The following MXRA8 variants were observed in gnomAD, a reference collection of about 807,000 sequenced individuals.
The protein encoded by MXRA8 is matrix remodeling associated 8, also known as matrix remodeling-associated protein 8.
A neutral mutation model predicts 51.4 loss-of-function variants in MXRA8; 44 were observed. That is an observed-to-expected ratio of 0.86 (90% confidence interval 0.67 to 1.10). MXRA8 has a LOEUF of 1.10. Ranked by LOEUF, MXRA8 falls within the 50% of genes least tolerant of loss-of-function variation. The pLI is 0.00. For missense variants in MXRA8, 765 were observed against 638.9 expected (o/e 1.20, Z -2.13); for synonymous variants, 369 against 293.5 (o/e 1.26, Z -2.63).
chr1:1,359,327 C>T (rs903870031), upstream of MXRA8: 8 of 985,234 alleles, frequency 8.1e-6, no homozygotes, highest in South Asian at 9.4e-5. Flanking sequence ...AGAGTGGGAC[C>T]CCTGCCATGG....
chr1:1,354,842 C>G lies in MXRA8; in HGVS notation c.789G>C (p.Glu263Asp). 1 of 1,612,108 alleles carries G rather than the reference C, an allele frequency of 6.2e-7. No individual in the cohort carries two copies. Among genetic ancestry groups the G allele is most frequent in the African/African-American group, 1.3e-5 (1 of 75,038 alleles). ...GDFSLRIEPLEVADEGTYSCH... is the reference protein window; with the variant it reads ...GDFSLRIEPLDVADEGTYSCH... The stretch of plus-strand genomic sequence containing the variant: ...AGGAGTAGGTGCCCTCGTCGGCGAC[C>G]TCCAGCGGCTCGATACGCAGTGAGA... The change falls in exon 5 of 10, where the codon GAG becomes GAC. Residue 263 changes from glutamate to aspartate, a missense_variant. By Grantham distance (45) the Glu-to-Asp change is conservative (BLOSUM62 2). Transcript: ENST00000309212.
In MXRA8 at chr1:1,353,041, G is replaced by C. The variant is rs1002925042; in HGVS notation, c.*563C>G. ...ATTCAAGTCAGCAGGTCCCTGGGGA[G>C]AACAGATGGTGCCTGGAGTCCCACA... On this transcript the variant is annotated 3_prime_UTR_variant, in exon 10 of 10. Coordinates refer to ENST00000309212, the MANE Select transcript of MXRA8 (RefSeq NM_032348.4). 1.7e-6 allele frequency: 1 copy of C among 586,388 alleles called. No homozygotes were observed. The highest frequency in any genetic ancestry group is 2.1e-5 in the South Asian group (1 of 47,740). 36.3% of individuals were successfully genotyped at this position (586,388 alleles called of 1,614,324 possible).
At position 1,355,516 on chromosome 1, in the gene MXRA8, C is replaced by A; in HGVS notation, c.310G>T (p.Asp104Tyr). The part of the protein sequence containing the change: ...AGEQRVYEAR[D>Y]RGRLELSASA... Reference sequence around the variant, plus strand: ...GCCGAGAGCTCCAGGCGGCCGCGGTCCCGCGCCTCGTACACGCGCTGCTCG... The same window carrying A: ...GCCGAGAGCTCCAGGCGGCCGCGGTACCGCGCCTCGTACACGCGCTGCTCG... Residue 104 changes from aspartate (D) to tyrosine (Y), a missense_variant, in exon 3 of 10, where the codon GAC becomes TAC. Coordinates refer to ENST00000309212, the MANE Select transcript of MXRA8 (RefSeq NM_032348.4). 6.7e-7 allele frequency: 1 copy of A among 1,503,174 alleles called. No individual in the cohort carries two copies. The highest frequency in any genetic ancestry group is 2.7e-5 in the East Asian group (1 of 36,522). The allele number at this position is 1,503,174 out of a possible 1,614,324, so 93.1% of individuals were successfully genotyped here.
At chr1:1,358,339 C>A in intron 1 of MXRA8, 117 bp downstream of exon 1, 1 of 1,191,462 alleles carries the variant, frequency 8.4e-7, no homozygotes, top group Non-Finnish European at 1.2e-6. Flanking sequence ...CGTCCTCTTC[C>A]CTGGTGGGAC....
chr1:1,361,257 G>A (rs1052450459), upstream of MXRA8: 31 of 703,394 alleles, frequency 4.4e-5, no homozygotes, highest in Non-Finnish European at 6.2e-5. Context: ...GCCGCACAGC[G>A]GATCATCGAT....
upstream of MXRA8, chr1:1,361,209 C>T (rs1354427312): frequency 1.4e-6 from 1 of 703,228 alleles, no homozygotes; most frequent in Non-Finnish European, 2.6e-6. Flanking sequence ...CACACACAGA[C>T]ACACATGGAA....
Position 1,355,607 on chromosome 1 carries a change from G to C in MXRA8, c.219C>G (p.Leu73=), listed in dbSNP as rs1159397789. The part of the protein sequence containing the change: ...QDRLHDRQRV[L]HWDLRGPGGG... ...CCCCGGGGCCGCGCAGGTCCCAGTGGAGCACGCGCTGGCGGTCGTGCAGCC... is the reference window on the plus strand; with the variant it reads ...CCCCGGGGCCGCGCAGGTCCCAGTGCAGCACGCGCTGGCGGTCGTGCAGCC... The change falls in exon 3 of 10, where the codon CTC becomes CTG. Residue 73 remains leucine, a synonymous_variant. Coordinates refer to ENST00000309212, the MANE Select transcript of MXRA8 (RefSeq NM_032348.4). 2 of 1,470,452 alleles carry C rather than the reference G, an allele frequency of 1.4e-6. No homozygotes were observed. The highest frequency in any genetic ancestry group is 1.8e-6 in the Non-Finnish European group (2 of 1,117,342). The allele number at this position is 1,470,452 out of a possible 1,614,324, so 91.1% of individuals were successfully genotyped here.
At chr1:1,361,439 G>C, upstream of MXRA8, 2 of 630,156 alleles carry the variant, frequency 3.2e-6, no homozygotes, top group Non-Finnish European at 5.8e-6. Context: ...GACAGGGGTC[G>C]GGGGGCGCCC....
At chr1:1,358,895 CT>C (rs1358583187), upstream of MXRA8, 1 of 1,016,842 alleles carries the variant, frequency 9.8e-7, no homozygotes, top group Non-Finnish European at 1.2e-6. Flanking sequence ...CGCCCCACCT[CT>C]GGCCTCCCCC....
rs778605657 is a variant in MXRA8 at position 1,355,345 on chromosome 1, G to A, written c.377C>T (p.Ala126Val). The A allele has an allele frequency of 1.3e-6, 2 of 1,572,894 alleles. No homozygotes were observed. Among genetic ancestry groups the A allele is most frequent in the Non-Finnish European group, 8.6e-7 (1 of 1,163,752 alleles). ...DDGNFSLLIR[A>V]VEETDAGLYT... is the part of the protein sequence containing the mutation. ...CAGCCCCGCGTCCGTCTCCTCCACCGCTGCGCACCCAGGAGGAAGCCGCGC... is the reference window on the plus strand; with the variant it reads ...CAGCCCCGCGTCCGTCTCCTCCACCACTGCGCACCCAGGAGGAAGCCGCGC... Residue 126 changes from alanine to valine, a missense_variant and splice_region_variant, in exon 4 of 10, where the codon GCG becomes GTG. Coordinates refer to ENST00000309212, the MANE Select transcript of MXRA8 (RefSeq NM_032348.4).
At chr1:1,358,680 G>A (rs562570659), upstream of MXRA8, 314 of 1,401,452 alleles carry the variant, frequency 2.2e-4, no homozygotes, top group African/African-American at 2.2e-3. Flanking sequence ...CTCCCCCATC[G>A]TTGCTGGCCT....
chr1:1,360,918 G>A (rs563338476), upstream of MXRA8, among the ~76,000 whole-genome samples: 1 of 151,564 alleles, frequency 6.6e-6, no homozygotes, highest in East Asian at 1.9e-4. Context: ...GCATGCACAC[G>A]AAGACACATG....
chr1:1,359,174 C>T (rs1644189188), upstream of MXRA8: 1 of 985,214 alleles, frequency 1.0e-6, no homozygotes, highest in Admixed American at 6.2e-5. Flanking sequence ...GGACAGGGGA[C>T]CCTGAGCACT....
chr1:1,354,277 G>C (rs1340162184), intron 6 of MXRA8, 45 bp from the exon 7 acceptor site: 2 of 1,603,922 alleles, frequency 1.2e-6, no homozygotes, highest in Non-Finnish European at 1.7e-6. Context: ...CCCTTCCGCA[G>C]GTCCCCCAGC....
In MXRA8 at chr1:1,353,562, G is replaced by A; in HGVS notation, c.*42C>T. 1 of 1,553,508 alleles carries A rather than the reference G, an allele frequency of 6.4e-7. No homozygotes were observed. Among genetic ancestry groups the A allele is most frequent in the Middle Eastern group, 1.8e-4 (1 of 5,656 alleles). ...GAGATGCCCCGAGGAGCACAGACAG[G>A]AGAGGTGCAGCTGCTGGCCCAGCCA... On this transcript the variant is annotated 3_prime_UTR_variant, in exon 10 of 10. Transcript: ENST00000309212.
chr1:1,357,432 G>C (rs1383488790), intron 1 of MXRA8, among the ~76,000 whole-genome samples: 1 of 152,082 alleles, frequency 6.6e-6, no homozygotes, highest in African/African-American at 2.4e-5. Flanking sequence ...GCCCCACATG[G>C]ACTGTGCAGC....
At position 1,358,526 on chromosome 1, in the gene MXRA8, T is replaced by A; in HGVS notation, c.-22A>T. 6.2e-7 allele frequency: 1 copy of A among 1,609,530 alleles called. No individual in the cohort carries two copies. The highest frequency in any genetic ancestry group is 8.5e-7 in the Non-Finnish European group (1 of 1,177,922). On this transcript the variant is annotated 5_prime_UTR_variant, in exon 1 of 10. It adds an upstream start codon to the 5' untranslated region. Coordinates refer to ENST00000309212, the MANE Select transcript of MXRA8 (RefSeq NM_032348.4). ...CCATGGCCCCCGCCCAGCCCCAGGC[T>A]TTGTCCCACTCGGCTCTAAGTCTCT...
upstream of MXRA8, chr1:1,358,875 G>C (rs953486399): frequency 3.9e-6 from 4 of 1,028,384 alleles, no homozygotes; most frequent in Non-Finnish European, 4.7e-6. Flanking sequence ...TGTTGGGTGA[G>C]TGGCCCCTCC....
upstream of MXRA8, chr1:1,358,684 C>T (rs1644180945): frequency 2.1e-6 from 3 of 1,400,036 alleles, no homozygotes; most frequent in Non-Finnish European, 2.8e-6. Flanking sequence ...CCCATCGTTG[C>T]TGGCCTGCTG....
Sources: gnomAD v4.1 joint callset for allele counts (sites outside exome capture counted in the v4.1 genomes callset) on GRCh38, gnomAD v4.1.1 for gene constraint, MANE v1.5 for transcripts, NCBI Gene and HGNC (gene_info 2026-07-23, HGNC 2026-07-21) for gene names.